Variants in VMP1 observed in about 807,000 individuals in gnomAD.
The protein encoded by VMP1 is vacuole membrane protein 1.
VMP1 carries 11 observed loss-of-function variants against 56.0 expected under a neutral mutation model. That is an observed-to-expected ratio of 0.20 (90% CI 0.12 to 0.32). The LOEUF (loss-of-function observed/expected upper bound fraction) is 0.32, where lower values mean the gene tolerates loss of function less well. Among genes scored for constraint, VMP1 ranks in the 10% least tolerant of loss-of-function variants. The probability of loss-of-function intolerance (pLI) is 1.00; values close to 1 mark genes in which losing one functional copy is unlikely to be tolerated. For synonymous variants in VMP1, 149 were observed against 165.0 expected (o/e 0.90, Z 0.74); for missense variants, 296 against 490.3 (o/e 0.60, Z 3.74).
intron 7 of VMP1, among the ~76,000 whole-genome samples, chr17:59,795,282 G>A (rs1418341857): frequency 6.6e-6 from 1 of 151,094 alleles, no homozygotes; most frequent in East Asian, 2.0e-4. Flanking sequence ...GCTGAGTTTT[G>A]TATTTTTAGT....
intron 6 of VMP1, among the ~76,000 whole-genome samples, chr17:59,768,195 T>G (rs565836137): frequency 6.6e-6 from 1 of 152,324 alleles, no homozygotes; most frequent in Non-Finnish European, 1.5e-5. Context: ...GTCAAATGTT[T>G]GCTCTTCTTT....
intron 7 of VMP1, among the ~76,000 whole-genome samples, chr17:59,787,946 G>A (rs190991476): frequency 1.3e-5 from 2 of 152,182 alleles, no homozygotes; most frequent in Admixed American, 1.3e-4. Flanking sequence ...AAAAAATGTG[G>A]AAGCTAGTTA....
intron 1 of VMP1, among the ~76,000 whole-genome samples, chr17:59,727,603 C>T (rs767594772): frequency 3.9e-5 from 6 of 152,140 alleles, no homozygotes; most frequent in Non-Finnish European, 8.8e-5. Context: ...ATATTTGTAT[C>T]CTCAGTGCCC....
chr17:59,824,983 C>A (rs2144294246), intron 10 of VMP1, among the ~76,000 whole-genome samples: 1 of 151,464 alleles, frequency 6.6e-6, no homozygotes, highest in African/African-American at 2.4e-5. Context: ...GAATTTGAGT[C>A]CAGCCTGGTC....
In VMP1 at chr17:59,749,115, AT is replaced by A. The variant is rs34622252; in HGVS notation, c.414+10183del. 5.1e-3 allele frequency among the ~76,000 whole-genome samples: 664 copies of A among 131,242 alleles called. 6 individuals carry two copies. The East Asian group carries it at 0.056, about 11-fold the overall frequency. The allele number at this position is 131,242 out of a possible 152,430, so 86.1% of individuals were successfully genotyped here. On this transcript the variant is annotated intron_variant, in intron 5 of 11. Coordinates refer to ENST00000262291, the MANE Select transcript of VMP1 (RefSeq NM_030938.5). ...CAGGTGCCCGCTACTACGCCTGGCTATTTTTTTTTTTTTTTGTATTTTTATT... is the reference window on the plus strand; with the variant it reads ...CAGGTGCCCGCTACTACGCCTGGCTATTTTTTTTTTTTTTGTATTTTTATT...
intron 7 of VMP1, among the ~76,000 whole-genome samples, chr17:59,788,399 A>G (rs962194427): frequency 2.0e-5 from 3 of 152,024 alleles, no homozygotes; most frequent in African/African-American, 7.2e-5. Flanking sequence ...AGGCAGGAGA[A>G]TCGCTTGAAC....
chr17:59,734,216 C>T lies in VMP1; in HGVS notation c.77-1122C>T, dbSNP rs556459604. On this transcript the variant is annotated intron_variant, in intron 2 of 11. Transcript: ENST00000262291. ...TGCCTCAGTTGTTCTCTAGGTAACA[C>T]TGATTAAGAAATGGCAACTATAATA... Among the ~76,000 whole-genome samples, 3 of 152,148 alleles carry T rather than the reference C, an allele frequency of 2.0e-5. No individual in the cohort carries two copies. In the South Asian group the frequency reaches 6.2e-4, roughly 32 times the overall value.
intron 1 of VMP1, among the ~76,000 whole-genome samples, chr17:59,715,065 T>C (rs1403544331): frequency 6.6e-6 from 1 of 152,246 alleles, no homozygotes; most frequent in Non-Finnish European, 1.5e-5. Context: ...TGTAGATTTA[T>C]AGTAATTGTT....
chr17:59,790,586 T>C (rs2037190179), intron 7 of VMP1, among the ~76,000 whole-genome samples: 1 of 152,144 alleles, frequency 6.6e-6, no homozygotes, highest in African/African-American at 2.4e-5. Flanking sequence ...GGTCAGGAGT[T>C]TGAGACTAGC....
chr17:59,746,964 CTG>C (rs1246360763), intron 5 of VMP1, among the ~76,000 whole-genome samples: 2 of 152,190 alleles, frequency 1.3e-5, no homozygotes, highest in Non-Finnish European at 1.5e-5. Context: ...TCTCCAAAGA[CTG>C]TGAAATGTTA....
chr17:59,750,341 G>A (rs2035591869), intron 5 of VMP1, among the ~76,000 whole-genome samples: 1 of 139,374 alleles, frequency 7.2e-6, no homozygotes, highest in South Asian at 2.2e-4. Context: ...TGCTCTTGTT[G>A]CCCAGGCTGT....
chr17:59,764,118 G>T (rs984494066), intron 5 of VMP1, among the ~76,000 whole-genome samples: 1 of 152,116 alleles, frequency 6.6e-6, no homozygotes, highest in Non-Finnish European at 1.5e-5. Context: ...ACATGAGGTG[G>T]TAGATCACCA....
At chr17:59,756,745 A>C (rs2035855988) in intron 5 of VMP1, among the ~76,000 whole-genome samples, 1 of 152,218 alleles carries the variant, frequency 6.6e-6, no homozygotes, top group African/African-American at 2.4e-5. Context: ...TCGGTTGATA[A>C]GTATACTTGC....
At chr17:59,826,467 TG>T (rs1466788443) in intron 10 of VMP1, among the ~76,000 whole-genome samples, 1 of 152,200 alleles carries the variant, frequency 6.6e-6, no homozygotes, top group African/African-American at 2.4e-5. Flanking sequence ...TGTAAATATT[TG>T]TTGACCAGAT....
At chr17:59,757,859 C>CTTTTTTTTTTTTTTTTT (rs66605258) in intron 5 of VMP1, among the ~76,000 whole-genome samples, 5 of 91,292 alleles carry the variant, frequency 5.5e-5, no homozygotes, top group African/African-American at 2.1e-4. Flanking sequence ...TTATTTGCCA[C>CTTTTTTTTTTTTTTTTT]TTTTTTTTTT....
At chr17:59,827,884 T>G (rs1348460595) in intron 10 of VMP1, among the ~76,000 whole-genome samples, 2 of 152,006 alleles carry the variant, frequency 1.3e-5, no homozygotes, top group Admixed American at 6.6e-5. Flanking sequence ...CAGTGAGTCG[T>G]GTTTGTGCCA....
At chr17:59,805,771 A>G (rs1487368345) in intron 7 of VMP1, among the ~76,000 whole-genome samples, 1 of 152,100 alleles carries the variant, frequency 6.6e-6, no homozygotes, top group Non-Finnish European at 1.5e-5. Context: ...CTAATTTTCT[A>G]TAATTGTGTC....
At chr17:59,766,936 C>A (rs1400953966) in intron 6 of VMP1, among the ~76,000 whole-genome samples, 1 of 152,040 alleles carries the variant, frequency 6.6e-6, no homozygotes, top group Non-Finnish European at 1.5e-5. Context: ...CCCGCCACCA[C>A]GCTCGGCTGA....
At chr17:59,734,610 G>A (rs1322685724) in intron 2 of VMP1, among the ~76,000 whole-genome samples, 1 of 152,160 alleles carries the variant, frequency 6.6e-6, no homozygotes, top group Non-Finnish European at 1.5e-5. Flanking sequence ...GTACACACCT[G>A]TAGTCCTAGC....
Sources: allele counts gnomAD v4.1 joint callset (sites outside exome capture counted in the v4.1 genomes callset), GRCh38; gene constraint gnomAD v4.1.1; transcripts MANE v1.5; gene names NCBI Gene and HGNC (gene_info 2026-07-23, HGNC 2026-07-21).